The following PPP3CC variants were observed in gnomAD, a reference collection of about 807,000 sequenced individuals.
PPP3CC encodes the protein protein phosphatase 3 catalytic subunit gamma, also known as serine/threonine-protein phosphatase 2B catalytic subunit gamma isoform.
In PPP3CC, 35 loss-of-function variants were observed where a neutral mutation model predicts 60.3. That is an observed-to-expected ratio of 0.58 (90% CI 0.44 to 0.77). The LOEUF (loss-of-function observed/expected upper bound fraction) is 0.77. PPP3CC is among the 30% of genes least tolerant of loss of function. PPP3CC has a pLI of 0.00. For missense variants in PPP3CC, 570 were observed against 628.9 expected, an observed-to-expected ratio of 0.91 and a Z score of 1.00; for synonymous variants, 206 against 224.3, an observed-to-expected ratio of 0.92 and a Z score of 0.73.
chr8:22,500,718 T>C (rs1450531178), intron 4 of PPP3CC, among the ~76,000 whole-genome samples: 2 of 152,202 alleles, frequency 1.3e-5, no homozygotes, highest in Non-Finnish European at 2.9e-5. Context: ...GGATAATCAC[T>C]TCTTAAAAAG....
chr8:22,499,790 C>T (rs996021988), intron 4 of PPP3CC, among the ~76,000 whole-genome samples: 5 of 152,154 alleles, frequency 3.3e-5, no homozygotes, highest in South Asian at 2.1e-4. Flanking sequence ...TCATTTATTC[C>T]GAGATTTTCT....
chr8:22,496,485 CTTTTTTTTTTTT>C (rs71206523), intron 3 of PPP3CC, among the ~76,000 whole-genome samples: 439 of 43,576 alleles, frequency 0.01, 8 homozygotes, highest in African/African-American at 0.036. Context: ...GAACTGTAAT[CTTTTTTTTTTTT>C]TTTTTTTTTT....
At chr8:22,447,425 G>A (rs1281858759) in intron 1 of PPP3CC, among the ~76,000 whole-genome samples, 1 of 151,718 alleles carries the variant, frequency 6.6e-6, no homozygotes, top group East Asian at 1.9e-4. Flanking sequence ...CTCGTGATCC[G>A]CCCGTCTCGG....
At chr8:22,456,406 T>C (rs1218918233) in intron 1 of PPP3CC, among the ~76,000 whole-genome samples, 1 of 152,210 alleles carries the variant, frequency 6.6e-6, no homozygotes, top group East Asian at 1.9e-4. Flanking sequence ...TTTTTCAAAA[T>C]TTATTTAATT....
intron 3 of PPP3CC, chr8:22,492,690 TG>T: frequency 1.2e-6 from 1 of 850,394 alleles, no homozygotes; most frequent in Non-Finnish European, 2.0e-6. Context: ...GGGAAAGAAA[TG>T]GTTCACAGAA....
At chr8:22,470,376 C>A (rs1379614178) in intron 1 of PPP3CC, among the ~76,000 whole-genome samples, 1 of 151,934 alleles carries the variant, frequency 6.6e-6, no homozygotes, top group Non-Finnish European at 1.5e-5. Flanking sequence ...CACTATTTTC[C>A]TAAGTAAAAT....
chr8:22,511,101 C>T lies in PPP3CC; in HGVS notation c.500C>T (p.Ser167Leu), dbSNP rs549332380. ...TFKQECRIKY[S>L]EQVYDACMET... is the part of the protein sequence containing the mutation. ...TTTTTGTTAGGTCGAATCAAATATT[C>T]GGAACAGGTGTATGATGCCTGTATG... is the stretch of plus-strand genomic sequence containing the variant. The change falls in exon 5 of 14, where the codon TCG becomes TTG. Residue 167 changes from serine to leucine, a missense_variant. By Grantham distance (145) the Ser-to-Leu change is moderately radical. Coordinates refer to ENST00000240139, the MANE Select transcript of PPP3CC (RefSeq NM_005605.5). 27 of 1,613,508 alleles carry T rather than the reference C, an allele frequency of 1.7e-5. No homozygotes were observed. The highest frequency in any genetic ancestry group is 1.7e-4 in the Middle Eastern group (1 of 6,060).
intron 6 of PPP3CC, among the ~76,000 whole-genome samples, chr8:22,519,806 C>T (rs1012975737): frequency 1.3e-5 from 2 of 152,160 alleles, no homozygotes; most frequent in African/African-American, 4.8e-5. Context: ...AGGCACACAC[C>T]ACCACACCTG....
intron 12 of PPP3CC, among the ~76,000 whole-genome samples, chr8:22,535,220 C>T (rs572243745): frequency 1.3e-5 from 2 of 152,182 alleles, no homozygotes; most frequent in Non-Finnish European, 2.9e-5. Context: ...ATCACCTCTT[C>T]AATCAGAGTA....
rs756693360 is a variant in PPP3CC, at chr8:22,475,140, C to T, written c.236C>T (p.Ala79Val). 1 of 1,610,328 alleles carries T rather than the reference C, an allele frequency of 6.2e-7. No homozygotes were observed. The highest frequency in any genetic ancestry group is 2.2e-5 in the East Asian group (1 of 44,800). The change falls in exon 2 of 14, where the codon GCT becomes GTT. Residue 79 changes from alanine (A) to valine (V), a missense_variant. Coordinates refer to ENST00000240139, the MANE Select transcript of PPP3CC (RefSeq NM_005605.5). ...RQEKTMIEVD[A>V]PITVCGDIHG... ...GAGAAGACTATGATAGAAGTAGATG[C>T]TCCAATCACAGGTATAAAAAGTCTT...
At chr8:22,492,516 C>T (rs767704090) in intron 3 of PPP3CC, 2 of 293,078 alleles carry the variant, frequency 6.8e-6, no homozygotes, top group East Asian at 6.9e-5. Context: ...TGCCATCTTG[C>T]GTCCCCATGT....
intron 1 of PPP3CC, among the ~76,000 whole-genome samples, chr8:22,466,264 C>T (rs1837519933): frequency 6.6e-6 from 1 of 152,124 alleles, no homozygotes; most frequent in African/African-American, 2.4e-5. Context: ...GGTTCCAAGT[C>T]TTTGCTATTG....
chr8:22,469,993 A>G (rs1375137988), intron 1 of PPP3CC, among the ~76,000 whole-genome samples: 1 of 151,460 alleles, frequency 6.6e-6, no homozygotes. Flanking sequence ...TGATATATAA[A>G]TGATCCATGT....
chr8:22,532,563 C>T (rs770714419), intron 11 of PPP3CC, among the ~76,000 whole-genome samples: 3 of 152,150 alleles, frequency 2.0e-5, no homozygotes, highest in African/African-American at 4.8e-5. Context: ...AATTCTGGCT[C>T]TACCTCTTCT....
chr8:22,539,344 C>A, intron 12 of PPP3CC, 125 bp from the exon 13 acceptor site: 1 of 790,132 alleles, frequency 1.3e-6, no homozygotes, highest in Non-Finnish European at 2.0e-6. Context: ...AGTTGACTTT[C>A]ATTATGGATG....
chr8:22,465,995 A>G (rs1837509609), intron 1 of PPP3CC, among the ~76,000 whole-genome samples: 1 of 150,786 alleles, frequency 6.6e-6, no homozygotes, highest in African/African-American at 2.4e-5. Context: ...CCAGCCCCCC[A>G]TCCTCCGACC....
intron 8 of PPP3CC, chr8:22,523,618 ACTC>A (rs1202582224): frequency 2.3e-6 from 1 of 444,384 alleles, no homozygotes; most frequent in East Asian, 7.3e-5. Flanking sequence ...CATTTTTGGA[ACTC>A]CTCTTTTGGC....
intron 3 of PPP3CC, among the ~76,000 whole-genome samples, chr8:22,477,299 A>T (rs1837918864): frequency 6.6e-6 from 1 of 152,114 alleles, no homozygotes; most frequent in Admixed American, 6.6e-5. Flanking sequence ...CAACATGGTG[A>T]AACCCCATCT....
At chr8:22,450,708 G>A (rs1257597002) in intron 1 of PPP3CC, among the ~76,000 whole-genome samples, 1 of 152,164 alleles carries the variant, frequency 6.6e-6, no homozygotes, top group East Asian at 1.9e-4. Flanking sequence ...ACTCTTTGTT[G>A]ATGGGCAGTA....
Sources: allele counts gnomAD v4.1 joint callset (sites outside exome capture counted in the v4.1 genomes callset), GRCh38; gene constraint gnomAD v4.1.1; transcripts MANE v1.5; gene names NCBI Gene and HGNC (gene_info 2026-07-23, HGNC 2026-07-21).